The following PCDH15 variants were observed in gnomAD, a reference collection of about 807,000 sequenced individuals.
The protein encoded by PCDH15 is protocadherin-15.
Under a neutral mutation model 178.5 loss-of-function variants are expected in PCDH15, and 129 were observed. That is an observed-to-expected ratio of 0.72 (90% CI 0.63 to 0.84). PCDH15 has a LOEUF of 0.84. Ranked by LOEUF, PCDH15 falls within the 40% of genes least tolerant of loss-of-function variation. The pLI is 0.00. For synonymous variants in PCDH15, 800 were observed against 732.0 expected (o/e 1.09, Z -1.50); for missense variants, 2,230 against 2,099.9 (o/e 1.06, Z -1.21).
At chr10:54,439,740 A>G (rs1269816867) in intron 3 of PCDH15, among the ~76,000 whole-genome samples, 1 of 152,068 alleles carries the variant, frequency 6.6e-6, no homozygotes, top group Admixed American at 6.6e-5. Flanking sequence ...AAACCCATTA[A>G]GTTATTCACT....
At chr10:55,039,996 A>G (rs1840825917) in intron 2 of PCDH15, among the ~76,000 whole-genome samples, 1 of 152,124 alleles carries the variant, frequency 6.6e-6, no homozygotes, top group Non-Finnish European at 1.5e-5. Flanking sequence ...ATTCATCCAT[A>G]GCATTTTAGA....
At chr10:54,861,913 A>C (rs1953850104) in intron 3 of PCDH15, among the ~76,000 whole-genome samples, 1 of 152,210 alleles carries the variant, frequency 6.6e-6, no homozygotes, top group Non-Finnish European at 1.5e-5. Flanking sequence ...CTTTCAGGGA[A>C]GTGCATAGAG....
chr10:54,810,744 GA>G (rs943596073), intron 3 of PCDH15, among the ~76,000 whole-genome samples: 2 of 151,292 alleles, frequency 1.3e-5, no homozygotes, highest in East Asian at 3.9e-4. Context: ...TCTCCTGATA[GA>G]AAAAAAATAA....
intron 2 of PCDH15, among the ~76,000 whole-genome samples, chr10:55,001,690 A>C (rs114599761): frequency 0.025 from 3,877 of 152,044 alleles, 161 homozygotes; most frequent in African/African-American, 0.088. Context: ...TGCCTGGCTC[A>C]CCCTTGGAAG....
chr10:55,016,323 T>G (rs920172610), intron 2 of PCDH15, among the ~76,000 whole-genome samples: 5 of 152,106 alleles, frequency 3.3e-5, no homozygotes, highest in African/African-American at 4.8e-5. Flanking sequence ...TAATCACTCT[T>G]TTGTGCTATG....
intron 2 of PCDH15, among the ~76,000 whole-genome samples, chr10:54,636,732 T>A (rs1590731814): frequency 1.3e-5 from 2 of 152,082 alleles, no homozygotes; most frequent in African/African-American, 4.8e-5. Flanking sequence ...AGCTAATGAC[T>A]GATATGACAG....
intron 2 of PCDH15, among the ~76,000 whole-genome samples, chr10:55,547,155 G>A (rs547799240): frequency 6.6e-6 from 1 of 152,218 alleles, no homozygotes; most frequent in East Asian, 1.9e-4. Flanking sequence ...GTTGATATGG[G>A]TGCTGCAGCA....
At chr10:53,903,407 T>C in intron 25 of PCDH15, 37 bp from the exon 26 acceptor site, 1 of 1,608,608 alleles carries the variant, frequency 6.2e-7, no homozygotes, top group Non-Finnish European at 8.5e-7. Context: ...TTATTGGTGG[T>C]TATTCATGGG....
At chr10:55,108,489 A>C (rs1367531736) in intron 2 of PCDH15, among the ~76,000 whole-genome samples, 4 of 152,186 alleles carry the variant, frequency 2.6e-5, no homozygotes, top group Non-Finnish European at 4.4e-5. Flanking sequence ...GCTATGTAAA[A>C]TATGTGTATT....
intron 2 of PCDH15, among the ~76,000 whole-genome samples, chr10:55,361,362 T>C (rs1845225396): frequency 6.6e-6 from 1 of 152,052 alleles, no homozygotes; most frequent in South Asian, 2.1e-4. Flanking sequence ...GTATAAATAG[T>C]CAAACATACT....
Position 54,378,808 on chromosome 10 carries a change from T to C in PCDH15, c.292A>G (p.Ser98Gly). 6.2e-7 allele frequency: 1 copy of C among 1,613,916 alleles called. No homozygotes were observed. The change falls in exon 4 of 38, where the codon AGC becomes GGC. Residue 98 changes from serine to glycine, a missense_variant. Ser to Gly is a moderately conservative substitution (Grantham distance 56). Coordinates refer to ENST00000644397, the MANE Select transcript of PCDH15 (RefSeq NM_001384140.1). The part of the protein sequence containing the change: ...DPVKQMLFLN[S>G]TGRVLDRDPP... Reference sequence around the variant, plus strand: ...TCTCTATCCAGAACTCTTCCGGTGCTGTTCAGGAAAAGCATTTGCTTAACA... The same window carrying C: ...TCTCTATCCAGAACTCTTCCGGTGCCGTTCAGGAAAAGCATTTGCTTAACA...
At chr10:54,612,100 G>A (rs912359942) in intron 2 of PCDH15, among the ~76,000 whole-genome samples, 1 of 151,846 alleles carries the variant, frequency 6.6e-6, no homozygotes, top group African/African-American at 2.4e-5. Flanking sequence ...CTTTGGCAGA[G>A]TGGTAGCATA....
intron 25 of PCDH15, among the ~76,000 whole-genome samples, chr10:53,912,646 C>A (rs965698579): frequency 5.3e-5 from 8 of 152,054 alleles, no homozygotes; most frequent in African/African-American, 1.9e-4. Context: ...TCCTATACAC[C>A]AATAACAGAC....
intron 3 of PCDH15, among the ~76,000 whole-genome samples, chr10:54,403,743 T>C (rs1405171254): frequency 1.3e-5 from 2 of 151,752 alleles, no homozygotes; most frequent in Admixed American, 1.3e-4. Flanking sequence ...CTTCAGCAAG[T>C]CTCAGGATAC....
chr10:54,494,673 T>G (rs2079940825), intron 3 of PCDH15, among the ~76,000 whole-genome samples: 1 of 152,130 alleles, frequency 6.6e-6, no homozygotes, highest in Non-Finnish European at 1.5e-5. Flanking sequence ...TGCCTAACCC[T>G]TGTGAGGCTG....
In PCDH15 at chr10:54,066,775, G is replaced by A. The variant is rs201636125; in HGVS notation, c.2202C>T (p.Ala734=). 11 of 1,613,318 alleles carry A rather than the reference G, an allele frequency of 6.8e-6. No individual in the cohort carries two copies. The East Asian group carries it at 8.9e-5, about 13-fold the overall frequency. The change falls in exon 18 of 38, where the codon GCC becomes GCT. Residue 734 remains alanine, a synonymous_variant. Transcript: ENST00000644397. ...CACTTACTTTTACTTGACCCACAAA[G>A]GCATTGGCTTCTTCTTCCACCACAG... ...NLSVVEEEAN[A]FVGQVKATDP... is the part of the protein sequence containing the mutation.
chr10:54,913,102 T>A (rs1018478756), intron 2 of PCDH15, among the ~76,000 whole-genome samples: 1 of 152,218 alleles, frequency 6.6e-6, no homozygotes, highest in African/African-American at 2.4e-5. Flanking sequence ...AAAACCCATT[T>A]TCTGGGGATG....
chr10:54,105,172 G>A (rs143253215), intron 15 of PCDH15, among the ~76,000 whole-genome samples: 2 of 150,272 alleles, frequency 1.3e-5, no homozygotes, highest in South Asian at 2.1e-4. Context: ...TTAATATTCA[G>A]TTCCTCTAGA....
rs1845537252 is a variant in PCDH15, at chr10:55,372,731, T to C, written c.-155-206080A>G. ...CCAAAATCTTCAACCACTTCTCTCATATCACCAGGGCCTCTTATGAAGATG... is the reference window on the plus strand; with the variant it reads ...CCAAAATCTTCAACCACTTCTCTCACATCACCAGGGCCTCTTATGAAGATG... On this transcript the variant is annotated intron_variant, in intron 2 of 5. Coordinates refer to the PCDH15 transcript ENST00000613346. Among the ~76,000 whole-genome samples the C allele has an allele frequency of 1.3e-5, 2 of 152,122 alleles. 1 individual carries two copies. Among genetic ancestry groups the C allele is most frequent in the South Asian group, 4.1e-4 (2 of 4,828 alleles).
Sources: allele counts gnomAD v4.1 joint callset (sites outside exome capture counted in the v4.1 genomes callset), GRCh38; gene constraint gnomAD v4.1.1; transcripts MANE v1.5; gene names NCBI Gene and HGNC (gene_info 2026-07-23, HGNC 2026-07-21).